The following DNAH14 variants were observed in gnomAD, a reference collection of about 807,000 sequenced individuals.
DNAH14 encodes the protein axonemal beta dynein heavy chain 14.
In DNAH14, 478 loss-of-function variants were observed where a neutral mutation model predicts 520.9. That is an observed-to-expected ratio of 0.92 (90% CI 0.85 to 0.99). The LOEUF (loss-of-function observed/expected upper bound fraction) is 0.99. Among genes scored for constraint, DNAH14 ranks in the 50% least tolerant of loss-of-function variants. The probability of loss-of-function intolerance (pLI) is 0.00; values close to 1 mark genes in which losing one functional copy is unlikely to be tolerated. For missense variants in DNAH14, 4,831 were observed against 5,234.5 expected (o/e 0.92, Z 2.38); for synonymous variants, 1,581 against 1,757.2 (o/e 0.90, Z 2.51).
At chr1:225,116,468 T>A (rs1159574900) in intron 23 of DNAH14, among the ~76,000 whole-genome samples, 1 of 152,100 alleles carries the variant, frequency 6.6e-6, no homozygotes, top group East Asian at 1.9e-4. Flanking sequence ...AAGTAGAGAA[T>A]AAAAGAAAGA....
intron 10 of DNAH14, among the ~76,000 whole-genome samples, chr1:225,015,310 A>G (rs1253596553): frequency 6.6e-6 from 1 of 152,196 alleles, no homozygotes; most frequent in Non-Finnish European, 1.5e-5. Flanking sequence ...TTCTTGATAG[A>G]TGAGGACTTA....
chr1:225,398,935 T>C, intron 85 of DNAH14, 119 bp from the exon 86 acceptor site: 1 of 893,932 alleles, frequency 1.1e-6, no homozygotes, highest in South Asian at 1.8e-5. Context: ...ACATTAACCA[T>C]TTAACCTTAA....
Position 225,002,761 on chromosome 1 carries a change from G to A in DNAH14, c.831-22G>A, listed in dbSNP as rs567004641. 44 of 1,545,044 alleles carry A rather than the reference G, an allele frequency of 2.8e-5. 1 individual carries two copies. The East Asian group carries it at 1.0e-3, about 35-fold the overall frequency. On this transcript the variant is annotated intron_variant, in intron 8 of 85. Transcript: ENST00000682510. The stretch of plus-strand genomic sequence containing the variant: ...TTCATTTTGAATGAGAGATATATCT[G>A]TAGAAATTTTTTAACTTTCAGGTCA...
At chr1:225,304,876 T>A (rs886894308) in intron 57 of DNAH14, 32 bp from the exon 58 acceptor site, 1 of 1,475,038 alleles carries the variant, frequency 6.8e-7, no homozygotes, top group Non-Finnish European at 9.0e-7. Context: ...TGGATTGCTT[T>A]CTCTTAATTC....
intron 8 of DNAH14, among the ~76,000 whole-genome samples, chr1:224,996,858 G>A (rs986079251): frequency 6.6e-6 from 1 of 152,158 alleles, no homozygotes; most frequent in Non-Finnish European, 1.5e-5. Context: ...CTTGGGGTGG[G>A]CTTTGAGCCT....
intron 49 of DNAH14, among the ~76,000 whole-genome samples, chr1:225,270,176 TA>T: frequency 6.6e-6 from 1 of 152,034 alleles, no homozygotes; most frequent in Non-Finnish European, 1.5e-5. Context: ...TTTGTAGGGA[TA>T]TGGATGAAGC....
chr1:225,334,363 C>G (rs2094866914), intron 66 of DNAH14, among the ~76,000 whole-genome samples: 2 of 152,126 alleles, frequency 1.3e-5, no homozygotes, highest in South Asian at 4.1e-4. Context: ...ATGCTACATG[C>G]CTGTCATCCT....
chr1:225,332,906 T>A (rs1034020751), intron 65 of DNAH14, among the ~76,000 whole-genome samples: 1 of 148,340 alleles, frequency 6.7e-6, no homozygotes, highest in Non-Finnish European at 1.5e-5. Context: ...AAGGCTGAGG[T>A]GGGAGGAGGA....
intron 11 of DNAH14, among the ~76,000 whole-genome samples, chr1:225,029,057 A>AT (rs2066344735): frequency 6.6e-6 from 1 of 152,092 alleles, no homozygotes. Flanking sequence ...TTAAATATCT[A>AT]TAAGTGGATA....
At chr1:225,102,577 G>A (rs978689316) in intron 23 of DNAH14, among the ~76,000 whole-genome samples, 14 of 152,078 alleles carry the variant, frequency 9.2e-5, no homozygotes, top group African/African-American at 2.2e-4. Flanking sequence ...TTTAATGATC[G>A]CCATTCTAAC....
intron 84 of DNAH14, among the ~76,000 whole-genome samples, chr1:225,393,814 G>GTTTGTTTGTT (rs2095957665): frequency 7.0e-6 from 1 of 143,120 alleles, no homozygotes; most frequent in Non-Finnish European, 1.5e-5. Flanking sequence ...ATCTTTTTTT[G>GTTTGTTTGTT]TTTTTTTTTT....
At chr1:225,315,863 A>G (rs1038474771) in intron 60 of DNAH14, among the ~76,000 whole-genome samples, 7 of 152,214 alleles carry the variant, frequency 4.6e-5, no homozygotes, top group East Asian at 1.9e-4. Flanking sequence ...CTGTCTGTCA[A>G]TCCCTGCTGG....
At chr1:225,286,561 A>G (rs2093749257) in intron 54 of DNAH14, among the ~76,000 whole-genome samples, 1 of 152,218 alleles carries the variant, frequency 6.6e-6, no homozygotes, top group Non-Finnish European at 1.5e-5. Flanking sequence ...CCAAAACCCA[A>G]AGAACTGATA....
At chr1:225,246,583 C>T (rs1363317409) in intron 43 of DNAH14, among the ~76,000 whole-genome samples, 1 of 152,146 alleles carries the variant, frequency 6.6e-6, no homozygotes, top group Admixed American at 6.5e-5. Context: ...TGAACAGACA[C>T]TTCTCAAAAG....
At chr1:225,056,695 A>C (rs1342304118) in intron 17 of DNAH14, among the ~76,000 whole-genome samples, 1 of 152,110 alleles carries the variant, frequency 6.6e-6, no homozygotes, top group Non-Finnish European at 1.5e-5. Context: ...TCCATCTTGA[A>C]TTAATTTTTG....
intron 9 of DNAH14, among the ~76,000 whole-genome samples, chr1:225,004,672 A>G (rs1422220422): frequency 1.3e-5 from 2 of 152,150 alleles, no homozygotes; most frequent in African/African-American, 4.8e-5. Flanking sequence ...CTGTATGTGG[A>G]AAAGCCAGGT....
chr1:225,334,739 C>T (rs115166957), intron 66 of DNAH14, among the ~76,000 whole-genome samples: 1,937 of 150,780 alleles, frequency 0.013, 42 homozygotes, highest in African/African-American at 0.045. Flanking sequence ...AATGGTGACA[C>T]GTGCCTATAG....
chr1:225,388,532 C>T, intron 82 of DNAH14, 41 bp downstream of exon 82: 4 of 1,240,014 alleles, frequency 3.2e-6, no homozygotes, highest in Non-Finnish European at 4.6e-6. Flanking sequence ...CTCATTTTTG[C>T]TTAAAGCCCA....
At chr1:225,114,192 T>C (rs1573205243) in intron 23 of DNAH14, among the ~76,000 whole-genome samples, 1 of 152,322 alleles carries the variant, frequency 6.6e-6, no homozygotes, top group East Asian at 1.9e-4. Flanking sequence ...GGCTGTTTAG[T>C]TAGCAGGTGA....
Sources: gnomAD v4.1 joint callset for allele counts (sites outside exome capture counted in the v4.1 genomes callset) on GRCh38, gnomAD v4.1.1 for gene constraint, MANE v1.5 for transcripts, NCBI Gene and HGNC (gene_info 2026-07-23, HGNC 2026-07-21) for gene names.